Variants in MACROD2 observed in about 807,000 individuals in gnomAD.
MACROD2 encodes the protein mono-ADP ribosylhydrolase 2.
Under a neutral mutation model 70.4 loss-of-function variants are expected in MACROD2, and 36 were observed. The observed-to-expected ratio is 0.51, with a 90% CI of 0.39 to 0.68. The LOEUF is 0.68. MACROD2 is among the 30% of genes least tolerant of loss of function. The probability of loss-of-function intolerance (pLI) is 0.00; values close to 1 mark genes in which losing one functional copy is unlikely to be tolerated. For synonymous variants in MACROD2, 172 were observed against 178.8 expected, an observed-to-expected ratio of 0.96 and a Z score of 0.30; for missense variants, 496 against 538.4, an observed-to-expected ratio of 0.92 and a Z score of 0.78.
chr20:14,752,313 G>T (rs1237331129), intron 5 of MACROD2, among the ~76,000 whole-genome samples: 1 of 151,526 alleles, frequency 6.6e-6, no homozygotes, highest in Admixed American at 6.6e-5. Context: ...ATTCCCTCTT[G>T]TACCCCCAGA....
At chr20:15,144,517 C>T (rs1843661806) in intron 5 of MACROD2, among the ~76,000 whole-genome samples, 2 of 152,096 alleles carry the variant, frequency 1.3e-5, no homozygotes, top group Non-Finnish European at 2.9e-5. Context: ...ACACAATGAC[C>T]TTTTTGTTGA....
intron 3 of MACROD2, among the ~76,000 whole-genome samples, chr20:14,353,814 A>G (rs1171532489): frequency 1.3e-5 from 2 of 152,182 alleles, no homozygotes; most frequent in Admixed American, 6.5e-5. Context: ...TTAAAATTAA[A>G]TCACATGCCA....
At chr20:15,846,596 C>T (rs1371031838) in intron 8 of MACROD2, among the ~76,000 whole-genome samples, 1 of 151,974 alleles carries the variant, frequency 6.6e-6, no homozygotes, top group African/African-American at 2.4e-5. Context: ...TGGTTGGACA[C>T]CAAAAGGAAA....
At chr20:15,335,684 GCAT>G (rs746229567) in intron 6 of MACROD2, among the ~76,000 whole-genome samples, 2 of 151,576 alleles carry the variant, frequency 1.3e-5, no homozygotes, top group Non-Finnish European at 2.9e-5. Flanking sequence ...CAGATACCCT[GCAT>G]CATAATTTTC....
chr20:14,629,338 A>G (rs1346348892), intron 4 of MACROD2, among the ~76,000 whole-genome samples: 1 of 152,242 alleles, frequency 6.6e-6, no homozygotes, highest in African/African-American at 2.4e-5. Flanking sequence ...TTAAACAAAA[A>G]TGGAATAATC....
At chr20:14,283,179 T>C (rs2064524121) in intron 3 of MACROD2, among the ~76,000 whole-genome samples, 1 of 152,252 alleles carries the variant, frequency 6.6e-6, no homozygotes, top group African/African-American at 2.4e-5. Context: ...ATTATTTTTA[T>C]ACTATTGCAA....
At chr20:14,814,456 A>G (rs1362592254) in intron 5 of MACROD2, among the ~76,000 whole-genome samples, 3 of 152,092 alleles carry the variant, frequency 2.0e-5, no homozygotes, top group African/African-American at 7.2e-5. Context: ...CAGATATTTT[A>G]TCTTTGTGAT....
chr20:14,541,635 G>C (rs2085434272), intron 4 of MACROD2, among the ~76,000 whole-genome samples: 1 of 151,390 alleles, frequency 6.6e-6, no homozygotes. Flanking sequence ...TGAATGCATG[G>C]ATATGTGAAC....
chr20:14,301,353 T>C (rs2082473941), intron 3 of MACROD2, among the ~76,000 whole-genome samples: 2 of 152,216 alleles, frequency 1.3e-5, no homozygotes, highest in Admixed American at 6.5e-5. Flanking sequence ...CAAGTGTTGG[T>C]GGCATATTGA....
intron 6 of MACROD2, among the ~76,000 whole-genome samples, chr20:15,378,410 T>A (rs764828797): frequency 4.2e-4 from 63 of 150,758 alleles, no homozygotes; most frequent in Non-Finnish European, 8.3e-4. Flanking sequence ...AAGAGAAAGG[T>A]AGGGGCACAT....
At chr20:14,995,527 T>C (rs2074942047) in intron 5 of MACROD2, among the ~76,000 whole-genome samples, 1 of 151,808 alleles carries the variant, frequency 6.6e-6, no homozygotes, top group Non-Finnish European at 1.5e-5. Context: ...AAAAATAAAA[T>C]AAAATTAATA....
chr20:15,823,870 A>T (rs774175981), intron 8 of MACROD2, among the ~76,000 whole-genome samples: 1 of 152,218 alleles, frequency 6.6e-6, no homozygotes, highest in Non-Finnish European at 1.5e-5. Flanking sequence ...TAGTGAAATT[A>T]CACTGGCCAT....
intron 3 of MACROD2, among the ~76,000 whole-genome samples, chr20:14,229,002 AAAAG>A (rs997579234): frequency 6.6e-6 from 1 of 151,200 alleles, no homozygotes; most frequent in African/African-American, 2.4e-5. Flanking sequence ...AAAAAAAAAA[AAAAG>A]AAAAGAAAAA....
intron 5 of MACROD2, among the ~76,000 whole-genome samples, chr20:14,852,918 A>G (rs1379996290): frequency 2.0e-5 from 3 of 152,126 alleles, no homozygotes; most frequent in Non-Finnish European, 2.9e-5. Context: ...AGCATGTTTC[A>G]AAGACGTTGC....
chr20:14,939,057 A>G (rs985903255), intron 5 of MACROD2, among the ~76,000 whole-genome samples: 15 of 150,244 alleles, frequency 1.0e-4, no homozygotes, highest in Non-Finnish European at 1.9e-4. Flanking sequence ...ATGGACTCCA[A>G]CTTCTCTTTG....
chr20:15,708,507 A>G, intron 8 of MACROD2, among the ~76,000 whole-genome samples: 1 of 152,164 alleles, frequency 6.6e-6, no homozygotes, highest in Non-Finnish European at 1.5e-5. Flanking sequence ...GAAGTCAGGG[A>G]GGCGGAAACA....
At chr20:14,275,902 A>G (rs1200467401) in intron 3 of MACROD2, among the ~76,000 whole-genome samples, 1 of 152,224 alleles carries the variant, frequency 6.6e-6, no homozygotes, top group Non-Finnish European at 1.5e-5. Flanking sequence ...GGCCATCAGA[A>G]AAATGCAAAT....
chr20:15,826,291 A>T (rs575312614), intron 8 of MACROD2, among the ~76,000 whole-genome samples: 1 of 152,254 alleles, frequency 6.6e-6, no homozygotes, highest in South Asian at 2.1e-4. Context: ...GGGAATACGC[A>T]TGGGGGATGG....
intron 5 of MACROD2, among the ~76,000 whole-genome samples, chr20:14,957,593 G>C (rs897669046): frequency 5.6e-4 from 85 of 152,196 alleles, no homozygotes; most frequent in African/African-American, 1.9e-3. Flanking sequence ...TGAGAACTCT[G>C]AGGCTTAGTC....
Sources: gnomAD v4.1 joint callset for allele counts (sites outside exome capture counted in the v4.1 genomes callset) on GRCh38, gnomAD v4.1.1 for gene constraint, MANE v1.5 for transcripts, NCBI Gene and HGNC (gene_info 2026-07-23, HGNC 2026-07-21) for gene names.